The following FGF18 variants were observed in gnomAD, a reference collection of about 807,000 sequenced individuals.
The protein encoded by FGF18 is fibroblast growth factor 18.
A neutral mutation model predicts 23.0 loss-of-function variants in FGF18; 5 were observed. The ratio of observed to expected loss-of-function variants is 0.22; its 90% CI spans 0.11 to 0.46. The LOEUF (loss-of-function observed/expected upper bound fraction) is 0.46. Ranked by LOEUF, FGF18 falls within the 20% of genes least tolerant of loss-of-function variation. The pLI is 0.99. For missense variants in FGF18, 180 were observed against 291.6 expected, an observed-to-expected ratio of 0.62 and a Z score of 2.79; for synonymous variants, 117 against 118.9, an observed-to-expected ratio of 0.98 and a Z score of 0.10.
At chr5:171,452,537 C>T (rs1377007292) in intron 4 of FGF18, among the ~76,000 whole-genome samples, 1 of 152,206 alleles carries the variant, frequency 6.6e-6, no homozygotes, top group Non-Finnish European at 1.5e-5. Context: ...CCCCCCTTCT[C>T]CTTGCTACCC....
In FGF18 at chr5:171,448,754, T is replaced by C. The variant is rs367927891; in HGVS notation, c.251-393T>C. 1.4e-3 allele frequency among the ~76,000 whole-genome samples: 214 copies of C among 152,170 alleles called. 6 individuals carry two copies. In the South Asian group the frequency reaches 0.044, roughly 31 times the overall value. On this transcript the variant is annotated intron_variant, in intron 3 of 4. Transcript: ENST00000274625. ...TTTGGGAAATGGGTTTTTTGCACGG[T>C]TCTTTGTCCTGTTTGGTGGAATAGA...
At chr5:171,443,134 A>G (rs1262497168) in intron 3 of FGF18, among the ~76,000 whole-genome samples, 1 of 130,758 alleles carries the variant, frequency 7.6e-6, no homozygotes, top group African/African-American at 3.1e-5. Flanking sequence ...ACATTCACAC[A>G]CTTTTTTTTT....
rs1772221793 is a variant in FGF18 at position 171,434,669 on chromosome 5, C to G, written c.70-1424C>G. Among the ~76,000 whole-genome samples the G allele has an allele frequency of 6.6e-6, 1 of 152,094 alleles. No homozygotes were observed. Among genetic ancestry groups the G allele is most frequent in the Non-Finnish European group, 1.5e-5 (1 of 68,018 alleles). Reference sequence around the variant, plus strand: ...CCAGCAGGGTGTAGGGGACCCTGCTCCAATGGTAAATGGCACAGCAGGACT... The same window carrying G: ...CCAGCAGGGTGTAGGGGACCCTGCTGCAATGGTAAATGGCACAGCAGGACT... On this transcript the variant is annotated intron_variant, in intron 2 of 4. Transcript: ENST00000274625. This position sits in a 1 kb window ranked among gnomAD's most constrained non-coding sequence, Gnocchi z 4.6.
intron 3 of FGF18, among the ~76,000 whole-genome samples, chr5:171,438,246 C>T (rs1251468561): frequency 6.6e-6 from 1 of 151,800 alleles, no homozygotes; most frequent in East Asian, 1.9e-4. Flanking sequence ...GGATTACAGG[C>T]GCCCACCACC....
intron 2 of FGF18, among the ~76,000 whole-genome samples, chr5:171,430,419 G>C (rs1772163008): frequency 6.6e-6 from 1 of 150,420 alleles, no homozygotes; most frequent in African/African-American, 2.5e-5. Flanking sequence ...TACATAGGAA[G>C]ACATCCCTCA....
chr5:171,439,656 T>C (rs1303177134), intron 3 of FGF18, among the ~76,000 whole-genome samples: 1 of 152,036 alleles, frequency 6.6e-6, no homozygotes, highest in East Asian at 1.9e-4. Flanking sequence ...ATCTGCCAAG[T>C]GGGGAGGAGA....
At position 171,440,232 on chromosome 5, in the gene FGF18, G is replaced by T. The variant is rs921269512; in HGVS notation, c.250+3959G>T. On this transcript the variant is annotated intron_variant, in intron 3 of 4. Transcript: ENST00000274625. The surrounding 1 kb of genome is among the most constrained non-coding windows in gnomAD (Gnocchi z 4.0). ...CTCCTTACTATGGGTGTGTGGGGGG[G>T]GGTGGTGCCATCGCGGGCTCAGGTG... 7.2e-5 allele frequency among the ~76,000 whole-genome samples: 11 copies of T among 152,010 alleles called. No individual in the cohort carries two copies. The highest frequency in any genetic ancestry group is 3.9e-4 in the Admixed American group (6 of 15,270).
intron 2 of FGF18, among the ~76,000 whole-genome samples, chr5:171,425,791 A>G (rs1453989651): frequency 6.6e-6 from 1 of 151,900 alleles, no homozygotes; most frequent in Non-Finnish European, 1.5e-5. Context: ...CGGCCTCCCA[A>G]AGTGCTGGGA....
chr5:171,435,883 C>T (rs565953368), intron 2 of FGF18, among the ~76,000 whole-genome samples: 2 of 152,288 alleles, frequency 1.3e-5, no homozygotes, highest in South Asian at 4.1e-4. Flanking sequence ...TCTGGCTGGG[C>T]CACCTTGGGC....
In FGF18 at chr5:171,441,472, C is replaced by T. The variant is rs142117613; in HGVS notation, c.250+5199C>T. On this transcript the variant is annotated intron_variant, in intron 3 of 4. Coordinates refer to ENST00000274625, the MANE Select transcript of FGF18 (RefSeq NM_003862.3). Reference sequence around the variant, plus strand: ...TGAACACCCAAGCACTGTCCGTCTGCGGGCCTTTGCATTTGCTGTCCTGAG... The same window carrying T: ...TGAACACCCAAGCACTGTCCGTCTGTGGGCCTTTGCATTTGCTGTCCTGAG... Among the ~76,000 whole-genome samples the T allele has an allele frequency of 1.7e-4, 26 of 152,318 alleles. No individual in the cohort carries two copies. The East Asian group carries it at 5.0e-3, about 29-fold the overall frequency.
chr5:171,423,215 C>A (rs1233303598), intron 2 of FGF18, among the ~76,000 whole-genome samples: 1 of 152,214 alleles, frequency 6.6e-6, no homozygotes, highest in South Asian at 2.1e-4. Flanking sequence ...CACCCGCTGG[C>A]CACCCTGGGA....
intron 2 of FGF18, 67 bp downstream of exon 2, chr5:171,420,510 C>CCGGCCGCGCCCCCTCCCT (rs1771987975): frequency 6.9e-7 from 1 of 1,456,006 alleles, no homozygotes; most frequent in Non-Finnish European, 9.6e-7. Flanking sequence ...CCCCCCTTCC[C>CCGGCCGCGCCCCCTCCCT]CGGCCGCGCC....
chr5:171,431,260 G>A (rs930995640), intron 2 of FGF18, among the ~76,000 whole-genome samples: 14 of 152,198 alleles, frequency 9.2e-5, no homozygotes, highest in African/African-American at 1.2e-4. Flanking sequence ...TCTTACCAAG[G>A]TGCCTAAGAG....
Position 171,436,012 on chromosome 5 carries a change from T to C in FGF18, c.70-81T>C. 8.3e-7 allele frequency: 1 copy of C among 1,203,412 alleles called. No individual in the cohort carries two copies. 74.5% of individuals were successfully genotyped at this position (1,203,412 alleles called of 1,614,324 possible). A position where few individuals can be genotyped will look rare whatever the true frequency, so the allele number is the denominator to read the frequency against. On this transcript the variant is annotated intron_variant, in intron 2 of 4. Transcript: ENST00000274625. The surrounding 1 kb of genome is among the most constrained non-coding windows in gnomAD (Gnocchi z 4.4). The stretch of plus-strand genomic sequence containing the variant: ...GCCGGTGTAGAGAAGCCCTTGGTCT[T>C]TGTGGTGGACGTGGCTGGCTCCTGC...
At chr5:171,432,851 C>T (rs1273610934) in intron 2 of FGF18, among the ~76,000 whole-genome samples, 4 of 152,232 alleles carry the variant, frequency 2.6e-5, no homozygotes, top group Non-Finnish European at 4.4e-5. Context: ...TCACTTTTGG[C>T]CGCCGCCTTT....
intron 2 of FGF18, among the ~76,000 whole-genome samples, chr5:171,421,160 G>A (rs1439070828): frequency 6.6e-6 from 1 of 152,166 alleles, no homozygotes; most frequent in African/African-American, 2.4e-5. Context: ...TGTTACTTCA[G>A]CAGCTTTCAG....
In FGF18 at chr5:171,433,788, A is replaced by G. The variant is rs144933327; in HGVS notation, c.70-2305A>G. Among the ~76,000 whole-genome samples the G allele has an allele frequency of 1.6e-3, 249 of 152,292 alleles. 1 individual carries two copies. The highest frequency in any genetic ancestry group is 5.4e-3 in the African/African-American group (223 of 41,554). ...AGGGTGATAAGCGTTCTCATGGTGC[A>G]AGGTTGTCAGGACTATCAAAAGCAA... On this transcript the variant is annotated intron_variant, in intron 2 of 4. Transcript: ENST00000274625.
At chr5:171,443,467 G>T (rs184489745) in intron 3 of FGF18, among the ~76,000 whole-genome samples, 66 of 135,272 alleles carry the variant, frequency 4.9e-4, no homozygotes, top group African/African-American at 1.8e-3. Flanking sequence ...TTGACACATG[G>T]TATATGCTCA....
At position 171,434,805 on chromosome 5, in the gene FGF18, C is replaced by G. The variant is rs987428544; in HGVS notation, c.70-1288C>G. ...ATGAGAGACACTGCTCCAGCTTTCT[C>G]TCCCTTTTTTTTTTTTTTTTGATGG... On this transcript the variant is annotated intron_variant, in intron 2 of 4. Transcript: ENST00000274625. This position sits in a 1 kb window ranked among gnomAD's most constrained non-coding sequence, Gnocchi z 4.6. 1.0e-4 allele frequency among the ~76,000 whole-genome samples: 15 copies of G among 145,410 alleles called. No homozygotes were observed. The highest frequency in any genetic ancestry group is 2.0e-4 in the Non-Finnish European group (13 of 66,592).
Sources: allele counts gnomAD v4.1 joint callset (sites outside exome capture counted in the v4.1 genomes callset), GRCh38; gene constraint gnomAD v4.1.1; non-coding constraint Gnocchi (gnomAD v3.1); transcripts MANE v1.5; gene names NCBI Gene and HGNC (gene_info 2026-07-23, HGNC 2026-07-21).